AOAH: variants seen among roughly 807,000 people sequenced by gnomAD.
AOAH encodes the protein acyloxyacyl hydrolase (neutrophil).
A neutral mutation model predicts 92.2 loss-of-function variants in AOAH; 64 were observed. That is an observed-to-expected ratio of 0.69 (90% CI 0.57 to 0.86). The LOEUF (loss-of-function observed/expected upper bound fraction) is 0.86, where lower values mean the gene tolerates loss of function less well. Among genes scored for constraint, AOAH ranks in the 40% least tolerant of loss-of-function variants. The pLI is 0.00. For missense variants in AOAH, 656 were observed against 694.6 expected, an observed-to-expected ratio of 0.94 and a Z score of 0.62; for synonymous variants, 263 against 254.5, an observed-to-expected ratio of 1.03 and a Z score of -0.32.
chr7:36,517,973 A>C (rs188205172), intron 20 of AOAH, among the ~76,000 whole-genome samples: 5 of 135,396 alleles, frequency 3.7e-5, no homozygotes, highest in Non-Finnish European at 6.5e-5. Context: ...ACACACACGC[A>C]CACACACACA....
intron 11 of AOAH, among the ~76,000 whole-genome samples, chr7:36,609,641 AAC>A (rs144762126): frequency 0.085 from 12,921 of 152,074 alleles, 662 homozygotes; most frequent in Middle Eastern, 0.17. Context: ...CCCTGCTTTG[AAC>A]ACAGTGTCTC....
intron 13 of AOAH, among the ~76,000 whole-genome samples, chr7:36,552,572 G>A (rs1319515825): frequency 1.3e-5 from 2 of 152,136 alleles, no homozygotes; most frequent in African/African-American, 2.4e-5. Flanking sequence ...CTTTGAGGAA[G>A]TGCCACACTG....
At chr7:36,525,076 T>C (rs1295544946) in intron 19 of AOAH, among the ~76,000 whole-genome samples, 1 of 152,172 alleles carries the variant, frequency 6.6e-6, no homozygotes, top group Non-Finnish European at 1.5e-5. Context: ...TTGTAATAAA[T>C]AGATGCACAG....
chr7:36,650,328 A>G (rs1383770398), intron 4 of AOAH, among the ~76,000 whole-genome samples: 1 of 152,138 alleles, frequency 6.6e-6, no homozygotes, highest in African/African-American at 2.4e-5. Flanking sequence ...GGGACTGGAA[A>G]CCCAATAGCT....
chr7:36,657,192 T>G, intron 4 of AOAH, among the ~76,000 whole-genome samples: 1 of 152,212 alleles, frequency 6.6e-6, no homozygotes, highest in Middle Eastern at 3.2e-3. Context: ...CTGACTGTTG[T>G]AAGAAGACAC....
intron 1 of AOAH, among the ~76,000 whole-genome samples, chr7:36,691,910 AG>A: frequency 6.6e-6 from 1 of 152,176 alleles, no homozygotes; most frequent in East Asian, 1.9e-4. Flanking sequence ...CCTGCTGGAA[AG>A]GCCCCATGAC....
chr7:36,657,501 G>C (rs1206191148), intron 4 of AOAH, among the ~76,000 whole-genome samples: 9 of 152,214 alleles, frequency 5.9e-5, no homozygotes, highest in Admixed American at 5.2e-4. Context: ...AGAGGCAGAG[G>C]AGGGTGAAGC....
At chr7:36,551,764 C>T (rs1283481329) in intron 13 of AOAH, among the ~76,000 whole-genome samples, 2 of 152,122 alleles carry the variant, frequency 1.3e-5, no homozygotes, top group African/African-American at 4.8e-5. Flanking sequence ...TATGGATAGT[C>T]CCTGCTTTCA....
At chr7:36,534,683 G>C (rs1474210605) in intron 16 of AOAH, among the ~76,000 whole-genome samples, 13 of 152,150 alleles carry the variant, frequency 8.5e-5, no homozygotes, top group Non-Finnish European at 1.5e-4. Flanking sequence ...TTGGCCTATT[G>C]ATCCTACTTC....
intron 4 of AOAH, among the ~76,000 whole-genome samples, chr7:36,651,708 G>T (rs1423875691): frequency 1.3e-5 from 2 of 152,178 alleles, no homozygotes; most frequent in African/African-American, 2.4e-5. Flanking sequence ...AGAGCTGGAG[G>T]TCTAAAGTCC....
intron 12 of AOAH, among the ~76,000 whole-genome samples, chr7:36,589,600 G>A (rs1008634517): frequency 1.3e-5 from 2 of 152,192 alleles, no homozygotes; most frequent in Non-Finnish European, 2.9e-5. Flanking sequence ...CAATGAGCGT[G>A]GGAGAGAACG....
intron 6 of AOAH, among the ~76,000 whole-genome samples, chr7:36,624,859 T>A (rs1792527222): frequency 6.6e-6 from 1 of 152,206 alleles, no homozygotes; most frequent in Non-Finnish European, 1.5e-5. Context: ...CCCTTTTGCT[T>A]CTTCTGTCCC....
chr7:36,572,794 G>A (rs889512996), intron 13 of AOAH, among the ~76,000 whole-genome samples: 1 of 152,156 alleles, frequency 6.6e-6, no homozygotes, highest in African/African-American at 2.4e-5. Flanking sequence ...ATGTCACATG[G>A]CATAATTTAA....
intron 11 of AOAH, among the ~76,000 whole-genome samples, chr7:36,600,616 G>T (rs1486503726): frequency 6.6e-6 from 1 of 152,048 alleles, no homozygotes; most frequent in Non-Finnish European, 1.5e-5. Flanking sequence ...TTGAGCCCAG[G>T]TTCTGGTGGA....
chr7:36,615,534 T>C (rs1791806631), intron 11 of AOAH, among the ~76,000 whole-genome samples: 1 of 152,186 alleles, frequency 6.6e-6, no homozygotes, highest in South Asian at 2.1e-4. Context: ...GTGACCCATC[T>C]GATACCACTG....
intron 2 of AOAH, among the ~76,000 whole-genome samples, chr7:36,675,026 G>A (rs1318107117): frequency 3.9e-5 from 6 of 152,222 alleles, no homozygotes; most frequent in Non-Finnish European, 5.9e-5. Flanking sequence ...AGGGCAAGGC[G>A]GGTAGATCGC....
At chr7:36,513,476 T>C (rs1416858268) in intron 20 of AOAH, 96 bp from the exon 21 acceptor site, 42 of 1,296,168 alleles carry the variant, frequency 3.2e-5, no homozygotes, top group Non-Finnish European at 4.3e-5. Context: ...AGACAGCCTC[T>C]AGGATGGCCC....
chr7:36,667,490 A>G (rs528162297), intron 3 of AOAH, among the ~76,000 whole-genome samples: 18 of 152,212 alleles, frequency 1.2e-4, no homozygotes, highest in Non-Finnish European at 2.1e-4. Flanking sequence ...ATATGGGTGT[A>G]TAGGAAAAAA....
intron 1 of AOAH, chr7:36,690,055 C>T (rs1166772265): frequency 3.1e-5 from 11 of 360,364 alleles, no homozygotes; most frequent in East Asian, 8.6e-5. Context: ...AAATGCAAAG[C>T]GAATGGGGCA....
Sources: gnomAD v4.1 joint callset for allele counts (sites outside exome capture counted in the v4.1 genomes callset) on GRCh38, gnomAD v4.1.1 for gene constraint, MANE v1.5 for transcripts, NCBI Gene and HGNC (gene_info 2026-07-23, HGNC 2026-07-21) for gene names.